Variants in MLLT6 observed in about 807,000 individuals in gnomAD.
The protein encoded by MLLT6 is MLLT6, PHD finger containing, also known as protein AF-17.
A neutral mutation model predicts 103.0 loss-of-function variants in MLLT6; 22 were observed. The ratio of observed to expected loss-of-function variants is 0.21; its 90% CI spans 0.15 to 0.31. The LOEUF is 0.31. Ranked by LOEUF, MLLT6 falls within the 10% of genes least tolerant of loss-of-function variation. MLLT6 has a pLI of 1.00. For missense variants in MLLT6, 1,199 were observed against 1,441.7 expected, an observed-to-expected ratio of 0.83 and a Z score of 2.73; for synonymous variants, 606 against 623.5, an observed-to-expected ratio of 0.97 and a Z score of 0.42.
intron 18 of MLLT6, among the ~76,000 whole-genome samples, chr17:38,723,508 G>A (rs1042071061): frequency 1.3e-5 from 2 of 152,078 alleles, no homozygotes; most frequent in African/African-American, 4.8e-5. Context: ...AAAACAGGGA[G>A]TTGAAAAAAT....
intron 8 of MLLT6, 154 bp from the exon 9 acceptor site, chr17:38,715,458 C>T: frequency 2.3e-6 from 3 of 1,328,826 alleles, no homozygotes; most frequent in Non-Finnish European, 3.0e-6. Flanking sequence ...GGTCTAGGAG[C>T]TCCTGGCCAC....
chr17:38,707,683 A>G, intron 3 of MLLT6, 80 bp from the exon 4 acceptor site: 1 of 1,223,480 alleles, frequency 8.2e-7, no homozygotes, highest in Non-Finnish European at 1.2e-6. Context: ...GGAGGAGGGA[A>G]CAGTCTGCAG....
chr17:38,718,924 G>C (rs578147309), intron 12 of MLLT6: 1 of 156,660 alleles, frequency 6.4e-6, no homozygotes, highest in South Asian at 2.0e-4. Context: ...GAACGACAGA[G>C]TAGGGTGATA....
intron 19 of MLLT6, 176 bp downstream of exon 19, chr17:38,725,152 G>C (rs947456452): frequency 1.6e-5 from 9 of 571,086 alleles, no homozygotes; most frequent in African/African-American, 1.5e-4. Context: ...CCTCCTGCAC[G>C]GCCAAGAAAG....
rs758705516 is a variant in MLLT6 at position 38,716,623 on chromosome 17, C to T, written c.1293C>T (p.His431=). The change falls in exon 10 of 20, where the codon CAC becomes CAT. Residue 431 remains histidine (H), a synonymous_variant. Coordinates refer to ENST00000621332, the MANE Select transcript of MLLT6 (RefSeq NM_005937.4). This position sits in a 1 kb window ranked among gnomAD's most constrained non-coding sequence, Gnocchi z 5.6. ...APSPGDYKSP[H]VTGSGASAGT... ...CCCCTGGGGACTATAAGTCTCCCCA[C>T]GTCACGGGGTCTGGGGCCTCGGCAG... 4.3e-6 allele frequency: 7 copies of T among 1,613,806 alleles called. No homozygotes were observed. The highest frequency in any genetic ancestry group is 1.7e-5 in the Admixed American group (1 of 60,006).
intron 18 of MLLT6, among the ~76,000 whole-genome samples, chr17:38,723,420 A>T (rs1463989348): frequency 6.6e-6 from 1 of 152,042 alleles, no homozygotes; most frequent in Admixed American, 6.6e-5. Flanking sequence ...TGAACTGGGG[A>T]GGTGGAGGCT....
intron 11 of MLLT6, 58 bp from the exon 12 acceptor site, chr17:38,717,787 C>G (rs1316792686): frequency 5.4e-6 from 8 of 1,470,710 alleles, no homozygotes; most frequent in Non-Finnish European, 6.7e-6. Context: ...CCCCGGTACA[C>G]ACAGTTGTGC....
At chr17:38,721,027 T>C (rs1905703636) in intron 16 of MLLT6, 2 of 535,470 alleles carry the variant, frequency 3.7e-6, no homozygotes, top group Admixed American at 3.6e-5. Flanking sequence ...GATATGTTAG[T>C]GTGGAGAGAA....
At position 38,716,895 on chromosome 17, in the gene MLLT6, C is replaced by A. The variant is rs775021407; in HGVS notation, c.1565C>A (p.Ser522Tyr). The change falls in exon 10 of 20, where the codon TCC becomes TAC. Residue 522 changes from serine to tyrosine, a missense_variant. This residue lies in a region of MLLT6 where 1,034 missense variants were observed against 1,091.5 expected (regional missense o/e 0.95). Transcript: ENST00000621332. The surrounding 1 kb of genome is among the most constrained non-coding windows in gnomAD (Gnocchi z 5.6). Reference protein sequence around the residue: ...SPFSGGSLVSSGLGGLSSRTF... With the variant: ...SPFSGGSLVSYGLGGLSSRTF... ...TTCTCTGGAGGTTCCCTGGTCAGCTCCGGCCTGGGAGGTCTGTCCTCCCGA... is the reference window on the plus strand; with the variant it reads ...TTCTCTGGAGGTTCCCTGGTCAGCTACGGCCTGGGAGGTCTGTCCTCCCGA... The A allele has an allele frequency of 6.2e-7, 1 of 1,613,750 alleles. No homozygotes were observed. Among genetic ancestry groups the A allele is most frequent in the South Asian group, 1.1e-5 (1 of 90,994 alleles).
In MLLT6 at chr17:38,722,089, T is replaced by TG; in HGVS notation, c.2661dup (p.Leu888AlafsTer196). On this transcript the variant is annotated frameshift_variant, in exon 17 of 20. Transcript: ENST00000621332. LOFTEE classifies it high-confidence loss of function. ...GCCATGCCCATGGCTGAGGGGCTGT[T>TG]GGGGGGGCTGGCAGGCAGTGGGGGC... The TG allele has an allele frequency of 3.6e-6, 5 of 1,370,626 alleles. No individual in the cohort carries two copies. The highest frequency in any genetic ancestry group is 3.5e-5 in the Admixed American group (1 of 28,212). The allele number at this position is 1,370,626 out of a possible 1,614,324, so 84.9% of individuals were successfully genotyped here. A position where few individuals can be genotyped will look rare whatever the true frequency, so the allele number is the denominator to read the frequency against.
At chr17:38,722,967 T>C (rs1171822952) in intron 18 of MLLT6, among the ~76,000 whole-genome samples, 199 bp downstream of exon 18, 7 of 152,020 alleles carry the variant, frequency 4.6e-5, no homozygotes, top group Admixed American at 4.6e-4. Context: ...CAGGATCCCC[T>C]GGGCATTGAG....
chr17:38,720,371 G>C lies in MLLT6; in HGVS notation c.2156-1G>C. On this transcript the variant is annotated splice_acceptor_variant, in intron 14 of 19. Transcript: ENST00000621332. LOFTEE classifies it high-confidence loss of function. ...CCTCAGGTTCCTCGCTCTCTCCGCA[G>C]TCGTGGAGATGCTGAAGGCGCTGCA... The C allele has an allele frequency of 7.4e-7, 1 of 1,348,228 alleles. No homozygotes were observed. The highest frequency in any genetic ancestry group is 9.8e-7 in the Non-Finnish European group (1 of 1,018,408). 83.5% of individuals were successfully genotyped at this position (1,348,228 alleles called of 1,614,324 possible). A position where few individuals can be genotyped will look rare whatever the true frequency, so the allele number is the denominator to read the frequency against.
intron 7 of MLLT6, among the ~76,000 whole-genome samples, chr17:38,712,301 G>C (rs970798026): frequency 6.6e-6 from 1 of 152,158 alleles, no homozygotes; most frequent in Non-Finnish European, 1.5e-5. Context: ...CGTCTCCGCA[G>C]TCCAGCCATG....
intron 12 of MLLT6, 28 bp downstream of exon 12, chr17:38,717,981 C>A: frequency 6.7e-7 from 1 of 1,500,166 alleles, no homozygotes; most frequent in Non-Finnish European, 9.3e-7. Context: ...CCCCTCTCCC[C>A]TTTCTTCCCA....
Position 38,705,304 on chromosome 17 carries a change from C to T in MLLT6, c.-329C>T, listed in dbSNP as rs1017448690. On this transcript the variant is annotated 5_prime_UTR_variant, in exon 1 of 20. Coordinates refer to ENST00000621332, the MANE Select transcript of MLLT6 (RefSeq NM_005937.4). ...CGGCGCCTCCCCCGCCGGGCTCGGG[C>T]TACGCGGCGGCGGGGCGGCCCTAGG... Among the ~76,000 whole-genome samples, 10 of 145,386 alleles carry T rather than the reference C, an allele frequency of 6.9e-5. No homozygotes were observed. The highest frequency in any genetic ancestry group is 1.5e-4 in the Non-Finnish European group (10 of 65,566).
chr17:38,708,245 C>A (rs1905014742), intron 4 of MLLT6: 2 of 230,398 alleles, frequency 8.7e-6, no homozygotes, highest in Admixed American at 1.1e-4. Context: ...AACGCAAGTT[C>A]TTGCATGCGA....
Position 38,715,657 on chromosome 17 carries a change from C to A in MLLT6, c.865C>A (p.Gln289Lys), listed in dbSNP as rs756039269. 1 of 1,614,052 alleles carries A rather than the reference C, an allele frequency of 6.2e-7. No homozygotes were observed. Among genetic ancestry groups the A allele is most frequent in the East Asian group, 2.2e-5 (1 of 44,882 alleles). The stretch of plus-strand genomic sequence containing the variant: ...TTCCTCCCACCACGAGGCCAGCACG[C>A]AGGAGACCTCTGAGAGCAGCAGGGA... ...SSSSHHEAST[Q>K]ETSESSRESK... The change falls in exon 9 of 20, where the codon CAG becomes AAG. Residue 289 changes from glutamine (Q) to lysine (K), a missense_variant. By Grantham distance (53) the Gln-to-Lys change is moderately conservative. Around this residue, in one of 7 missense-constraint regions of MLLT6, gnomAD observed 1,034 missense variants for 1,091.5 expected, o/e 0.95. Coordinates refer to ENST00000621332, the MANE Select transcript of MLLT6 (RefSeq NM_005937.4).
chr17:38,727,935 G>A lies in MLLT6; in HGVS notation c.*2337G>A, dbSNP rs1254028723. On this transcript the variant is annotated 3_prime_UTR_variant, in exon 20 of 20. Transcript: ENST00000621332. ...ATGGGAAGAGAAGTAAGTCTACCCC[G>A]AGGTTGCCATGTTGAAGAGTGAGAG... 4.3e-6 allele frequency: 1 copy of A among 233,296 alleles called. No homozygotes were observed. Among genetic ancestry groups the A allele is most frequent in the Non-Finnish European group, 8.5e-6 (1 of 118,066 alleles). 14.5% of individuals were successfully genotyped at this position (233,296 alleles called of 1,614,324 possible).
Position 38,721,966 on chromosome 17 carries a change from C to T in MLLT6, c.2531C>T (p.Pro844Leu). ...PPPLPLLQQSPATLPLALPGA... is the reference protein window; with the variant it reads ...PPPLPLLQQSLATLPLALPGA... Reference sequence around the variant, plus strand: ...CCGCTGCCCCTCCTCCAGCAGAGCCCTGCCACTCTGCCCCTGGCCCTGCCT... The same window carrying T: ...CCGCTGCCCCTCCTCCAGCAGAGCCTTGCCACTCTGCCCCTGGCCCTGCCT... The change falls in exon 17 of 20, where the codon CCT becomes CTT. Residue 844 changes from proline to leucine, a missense_variant. By Grantham distance (98) the Pro-to-Leu change is moderately conservative. Around this residue, in one of 7 missense-constraint regions of MLLT6, gnomAD observed 1,034 missense variants for 1,091.5 expected, o/e 0.95. Coordinates refer to ENST00000621332, the MANE Select transcript of MLLT6 (RefSeq NM_005937.4). 6.6e-7 allele frequency: 1 copy of T among 1,508,280 alleles called. No individual in the cohort carries two copies. Among genetic ancestry groups the T allele is most frequent in the Non-Finnish European group, 8.8e-7 (1 of 1,130,028 alleles). The allele number at this position is 1,508,280 out of a possible 1,614,324, so 93.4% of individuals were successfully genotyped here. A position where few individuals can be genotyped will look rare whatever the true frequency, so the allele number is the denominator to read the frequency against.
Sources: allele counts gnomAD v4.1 joint callset (sites outside exome capture counted in the v4.1 genomes callset), GRCh38; gene constraint gnomAD v4.1.1; regional missense constraint gnomAD v4.1.1; non-coding constraint Gnocchi (gnomAD v3.1); transcripts MANE v1.5; gene names NCBI Gene and HGNC (gene_info 2026-07-23, HGNC 2026-07-21).